DAB1: variants seen among roughly 807,000 people sequenced by gnomAD.
The protein encoded by DAB1 is DAB adaptor protein 1.
DAB1 carries 15 observed loss-of-function variants against 64.6 expected under a neutral mutation model. The observed-to-expected ratio is 0.23, with a 90% CI of 0.16 to 0.36. DAB1 has a LOEUF of 0.36. Ranked by LOEUF, DAB1 falls within the 10% of genes least tolerant of loss-of-function variation. DAB1 has a pLI of 1.00. For synonymous variants in DAB1, 235 were observed against 251.9 expected (o/e 0.93, Z 0.64); for missense variants, 596 against 706.7 (o/e 0.84, Z 1.78).
intron 1 of DAB1, among the ~76,000 whole-genome samples, chr1:57,365,807 C>T (rs1024549944): frequency 3.9e-5 from 6 of 152,168 alleles, no homozygotes; most frequent in African/African-American, 7.2e-5. Context: ...GACATTTATA[C>T]GGGCAGAAGT....
intron 9 of DAB1, chr1:57,033,345 G>T (rs777018102): frequency 1.3e-6 from 2 of 1,598,512 alleles, no homozygotes; most frequent in South Asian, 1.1e-5. Flanking sequence ...GCATGAGTAT[G>T]AGCAGAACAA....
rs182585370 is a variant in DAB1, at chr1:57,705,149, T to G, written n.552-55484A>C. 1.5e-3 allele frequency among the ~76,000 whole-genome samples: 222 copies of G among 152,308 alleles called. 1 individual carries two copies. The highest frequency in any genetic ancestry group is 2.0e-3 in the Non-Finnish European group (137 of 68,016). On this transcript the variant is annotated intron_variant and non_coding_transcript_variant, in intron 6 of 20. Transcript: ENST00000485760. The stretch of plus-strand genomic sequence containing the variant: ...AGTTGTGGTTAATGAATCTACTGAA[T>G]AAATGCATAGGCTAAGAGCCAGACG...
chr1:58,069,435 C>T (rs535960126), intron 5 of DAB1, among the ~76,000 whole-genome samples: 2 of 152,288 alleles, frequency 1.3e-5, no homozygotes, highest in East Asian at 3.9e-4. Flanking sequence ...GCATAAATAA[C>T]AAGAATTGTA....
chr1:57,614,926 A>G (rs533262925), intron 7 of DAB1, among the ~76,000 whole-genome samples: 210 of 128,672 alleles, frequency 1.6e-3, no homozygotes, highest in African/African-American at 6.2e-3. Context: ...GCTAGAGTGC[A>G]GTGCTGCTGT....
intron 7 of DAB1, among the ~76,000 whole-genome samples, chr1:57,510,534 G>A (rs964253304): frequency 2.6e-5 from 4 of 151,990 alleles, no homozygotes; most frequent in South Asian, 2.1e-4. Context: ...CACAGACCCC[G>A]AGCTCTAAAT....
At chr1:57,553,206 T>C (rs966997947) in intron 7 of DAB1, among the ~76,000 whole-genome samples, 2 of 151,642 alleles carry the variant, frequency 1.3e-5, no homozygotes, top group African/African-American at 2.4e-5. Flanking sequence ...ATTAGGAATA[T>C]GGCTTTGGAG....
intron 1 of DAB1, chr1:58,536,560 AT>A: frequency 1.1e-6 from 1 of 872,866 alleles, no homozygotes; most frequent in Non-Finnish European, 2.0e-6. Flanking sequence ...TCTTTCCCCA[AT>A]AATAGTAGCT....
chr1:57,717,191 C>T (rs572265436), intron 6 of DAB1, among the ~76,000 whole-genome samples: 6 of 151,348 alleles, frequency 4.0e-5, no homozygotes, highest in South Asian at 2.1e-4. Context: ...GAGCCGAGAC[C>T]GCACCATTGC....
At chr1:57,056,725 G>A (rs935832836) in intron 9 of DAB1, among the ~76,000 whole-genome samples, 1 of 150,040 alleles carries the variant, frequency 6.7e-6, no homozygotes, top group Non-Finnish European at 1.5e-5. Context: ...TTAGCCAGGC[G>A]TAGTGGTGCA....
intron 1 of DAB1, among the ~76,000 whole-genome samples, chr1:57,408,560 A>G (rs1683845672): frequency 6.6e-6 from 1 of 152,158 alleles, no homozygotes; most frequent in Non-Finnish European, 1.5e-5. Flanking sequence ...GCATGGTCCC[A>G]CTGCTGCTGC....
intron 1 of DAB1, chr1:57,876,890 T>C (rs1644056264): frequency 6.6e-6 from 1 of 151,994 alleles, no homozygotes. Flanking sequence ...CTTCAGGTGG[T>C]CCTAGTAATG....
intron 7 of DAB1, among the ~76,000 whole-genome samples, chr1:57,640,296 T>G (rs565097063): frequency 6.6e-6 from 1 of 152,220 alleles, no homozygotes; most frequent in African/African-American, 2.4e-5. Flanking sequence ...AGGGGTATGT[T>G]TCCAGTGAGG....
intron 1 of DAB1, among the ~76,000 whole-genome samples, chr1:57,865,955 T>C (rs57848261): frequency 0.036 from 5,545 of 152,268 alleles, 151 homozygotes; most frequent in East Asian, 0.13. Flanking sequence ...GATAGCTAGC[T>C]TTCTGATTCA....
At chr1:57,617,713 G>A (rs1363242320) in intron 7 of DAB1, among the ~76,000 whole-genome samples, 1 of 152,134 alleles carries the variant, frequency 6.6e-6, no homozygotes, top group Non-Finnish European at 1.5e-5. Context: ...AACTTGTGTT[G>A]TGAATGAAAA....
chr1:57,507,445 G>A (rs1441801689), intron 7 of DAB1, among the ~76,000 whole-genome samples: 2 of 152,110 alleles, frequency 1.3e-5, no homozygotes, highest in African/African-American at 4.8e-5. Context: ...TTCAGTGCAC[G>A]TTCTATATTT....
intron 2 of DAB1, among the ~76,000 whole-genome samples, chr1:57,175,316 T>A (rs909692951): frequency 4.4e-5 from 3 of 68,262 alleles, no homozygotes; most frequent in Non-Finnish European, 4.9e-5. Flanking sequence ...AGACTTTAAA[T>A]TTTTTTTTTT....
intron 6 of DAB1, among the ~76,000 whole-genome samples, chr1:57,698,646 G>T (rs78532437): frequency 6.6e-6 from 1 of 152,136 alleles, no homozygotes; most frequent in Non-Finnish European, 1.5e-5. Flanking sequence ...GATGGAGAGA[G>T]AAATGATTGA....
At chr1:58,533,769 AAGACC>A (rs1222113566) in intron 1 of DAB1, among the ~76,000 whole-genome samples, 1 of 152,212 alleles carries the variant, frequency 6.6e-6, no homozygotes, top group Non-Finnish European at 1.5e-5. Flanking sequence ...TCAAATACTA[AAGACC>A]ATAAAAATTC....
intron 3 of DAB1, among the ~76,000 whole-genome samples, chr1:58,405,104 A>G (rs1407348350): frequency 6.6e-6 from 1 of 152,134 alleles, no homozygotes; most frequent in Non-Finnish European, 1.5e-5. Flanking sequence ...CCACTCCCAG[A>G]AACACCCACC....
Sources: gnomAD v4.1 joint callset for allele counts (sites outside exome capture counted in the v4.1 genomes callset) on GRCh38, gnomAD v4.1.1 for gene constraint, MANE v1.5 for transcripts, NCBI Gene and HGNC (gene_info 2026-07-23, HGNC 2026-07-21) for gene names.